The following TPRG1 variants were observed in gnomAD, a reference collection of about 807,000 sequenced individuals.
TPRG1 encodes tumor protein p63-regulated gene 1 protein.
TPRG1 carries 29 observed loss-of-function variants against 29.3 expected under a neutral mutation model. The observed-to-expected ratio is 0.99, with a 90% CI of 0.74 to 1.35. The LOEUF (loss-of-function observed/expected upper bound fraction) is 1.35. Ranked by LOEUF, TPRG1 falls within the 40% of genes most tolerant of loss-of-function variation. The pLI, the probability that TPRG1 is intolerant of heterozygous loss-of-function variation, is 0.00. For missense variants in TPRG1, 327 were observed against 335.0 expected, an observed-to-expected ratio of 0.98 and a Z score of 0.19; for synonymous variants, 130 against 116.8, an observed-to-expected ratio of 1.11 and a Z score of -0.73.
chr3:189,194,048 A>G (rs950641125), intron 1 of TPRG1, among the ~76,000 whole-genome samples: 1 of 151,578 alleles, frequency 6.6e-6, no homozygotes, highest in Non-Finnish European at 1.5e-5. Flanking sequence ...AACTTTCTAC[A>G]ATAGCTTTCA....
chr3:189,049,710 A>T (rs1391581169), intron 4 of TPRG1, among the ~76,000 whole-genome samples: 1 of 152,206 alleles, frequency 6.6e-6, no homozygotes, highest in Non-Finnish European at 1.5e-5. Flanking sequence ...ATAGAGCATT[A>T]AACCACCAAA....
intron 4 of TPRG1, among the ~76,000 whole-genome samples, chr3:189,072,755 C>CTCTA (rs60755990): frequency 0.027 from 4,104 of 152,160 alleles, 174 homozygotes; most frequent in African/African-American, 0.091. Context: ...CTTTATATCT[C>CTCTA]TCTATCAATC....
intron 1 of TPRG1, among the ~76,000 whole-genome samples, chr3:189,200,824 G>A (rs1301445392): frequency 6.6e-6 from 1 of 152,178 alleles, no homozygotes; most frequent in African/African-American, 2.4e-5. Flanking sequence ...GGATGCTACA[G>A]TTTGAAAGTC....
intron 4 of TPRG1, among the ~76,000 whole-genome samples, chr3:189,240,774 C>T (rs1185361526): frequency 2.0e-5 from 3 of 152,204 alleles, no homozygotes; most frequent in Non-Finnish European, 4.4e-5. Context: ...ATATCAAGGT[C>T]TCTCTGTGTA....
At chr3:189,238,460 G>A (rs1454094152) in intron 3 of TPRG1, among the ~76,000 whole-genome samples, 2 of 152,182 alleles carry the variant, frequency 1.3e-5, no homozygotes, top group South Asian at 2.1e-4. Context: ...AACACACACT[G>A]GGTATTCCCC....
intron 4 of TPRG1, among the ~76,000 whole-genome samples, chr3:189,304,409 T>C (rs1279188689): frequency 6.6e-6 from 1 of 152,180 alleles, no homozygotes; most frequent in Non-Finnish European, 1.5e-5. Context: ...GCTTTATTTA[T>C]TACTTACCTC....
At chr3:189,280,311 A>ATATATATAAATGAATGGG (rs1716902762) in intron 4 of TPRG1, among the ~76,000 whole-genome samples, 1 of 79,704 alleles carries the variant, frequency 1.3e-5, no homozygotes, top group Non-Finnish European at 2.2e-5. Context: ...GAATGGAATA[A>ATATATATAAATGAATGGG]TATATATAAA....
intron 1 of TPRG1, among the ~76,000 whole-genome samples, chr3:189,103,099 AACTTT>A (rs1719394336): frequency 6.6e-6 from 1 of 152,150 alleles, no homozygotes; most frequent in Admixed American, 6.5e-5. Context: ...CATGATTCTC[AACTTT>A]ACTTTGCCTC....
chr3:189,156,856 G>A (rs1726758568), intron 5 of TPRG1, among the ~76,000 whole-genome samples: 1 of 152,210 alleles, frequency 6.6e-6, no homozygotes, highest in Non-Finnish European at 1.5e-5. Context: ...TTGCTTTGAT[G>A]TAAGCTGCAT....
At chr3:189,007,987 T>G (rs985980331) in intron 3 of TPRG1, among the ~76,000 whole-genome samples, 3 of 149,060 alleles carry the variant, frequency 2.0e-5, no homozygotes, top group Non-Finnish European at 4.4e-5. Flanking sequence ...GCATGGCACA[T>G]GTATACATAT....
chr3:189,289,301 G>T (rs142628786), intron 4 of TPRG1, among the ~76,000 whole-genome samples: 1 of 151,740 alleles, frequency 6.6e-6, no homozygotes, highest in African/African-American at 2.4e-5. Context: ...TTCTCCCCCC[G>T]ACCCCAAATC....
chr3:189,091,209 C>T (rs1718316056), intron 4 of TPRG1, among the ~76,000 whole-genome samples: 1 of 152,022 alleles, frequency 6.6e-6, no homozygotes, highest in Admixed American at 6.6e-5. Flanking sequence ...TTGTTCTCTC[C>T]ACCCCCTTTC....
intron 1 of TPRG1, among the ~76,000 whole-genome samples, chr3:189,193,514 C>T (rs922623973): frequency 1.3e-5 from 2 of 151,934 alleles, no homozygotes; most frequent in African/African-American, 4.8e-5. Context: ...ATACACTTTC[C>T]CTTCTCTTTT....
chr3:189,190,592 G>T (rs1466994205), intron 1 of TPRG1, among the ~76,000 whole-genome samples: 1 of 152,136 alleles, frequency 6.6e-6, no homozygotes, highest in African/African-American at 2.4e-5. Context: ...CTACGTCTAT[G>T]ATAAGAATGC....
At chr3:189,004,730 T>A (rs1405304395) in exon 3 of TPRG1, 1 of 152,116 alleles carries the variant, frequency 6.6e-6, no homozygotes, top group East Asian at 1.9e-4. Flanking sequence ...TCCCTCCGAC[T>A]CAAATGCCTA....
intron 4 of TPRG1, among the ~76,000 whole-genome samples, chr3:189,082,737 T>C (rs1717676450): frequency 6.6e-6 from 1 of 152,186 alleles, no homozygotes; most frequent in Non-Finnish European, 1.5e-5. Flanking sequence ...GTTAGAACAT[T>C]CATAAATGCA....
intron 1 of TPRG1, among the ~76,000 whole-genome samples, chr3:188,999,532 A>T (rs1030272493): frequency 6.6e-6 from 1 of 152,210 alleles, no homozygotes; most frequent in Admixed American, 6.5e-5. Context: ...CCATCCTGCC[A>T]TATGGTGACT....
At chr3:189,070,339 A>G (rs1460708186) in intron 4 of TPRG1, among the ~76,000 whole-genome samples, 2 of 152,188 alleles carry the variant, frequency 1.3e-5, no homozygotes, top group African/African-American at 4.8e-5. Flanking sequence ...GGAACTGTTC[A>G]GTACCTTGTC....
intron 3 of TPRG1, among the ~76,000 whole-genome samples, chr3:189,232,827 G>C (rs1578948428): frequency 6.6e-6 from 1 of 152,158 alleles, no homozygotes; most frequent in Non-Finnish European, 1.5e-5. Flanking sequence ...AAAAATATGT[G>C]AATCTGTGGA....
Sources: gnomAD v4.1 joint callset for allele counts (sites outside exome capture counted in the v4.1 genomes callset) on GRCh38, gnomAD v4.1.1 for gene constraint, MANE v1.5 for transcripts, NCBI Gene and HGNC (gene_info 2026-07-23, HGNC 2026-07-21) for gene names.